The following ARHGEF26 variants were observed in gnomAD, a reference collection of about 807,000 sequenced individuals.
The protein encoded by ARHGEF26 is Rho guanine nucleotide exchange factor 26, also known as Rho guanine nucleotide exchange factor (GEF) 26.
Under a neutral mutation model 89.4 loss-of-function variants are expected in ARHGEF26, and 59 were observed. The observed-to-expected ratio is 0.66, with a 90% CI of 0.54 to 0.82. The LOEUF is 0.82. ARHGEF26 is among the 40% of genes least tolerant of loss of function. The pLI, the probability that ARHGEF26 is intolerant of heterozygous loss-of-function variation, is 0.00. For synonymous variants in ARHGEF26, 500 were observed against 428.4 expected (o/e 1.17, Z -2.06); for missense variants, 1,234 against 1,085.6 (o/e 1.14, Z -1.92).
chr3:154,158,287 A>T (rs183136085), intron 6 of ARHGEF26, among the ~76,000 whole-genome samples: 30 of 152,338 alleles, frequency 2.0e-4, no homozygotes, highest in Non-Finnish European at 4.1e-4. Flanking sequence ...GTGTGCATGG[A>T]TCTTAAGTCC....
intron 11 of ARHGEF26, among the ~76,000 whole-genome samples, chr3:154,234,917 C>T (rs967777111): frequency 2.0e-5 from 3 of 152,128 alleles, no homozygotes; most frequent in Non-Finnish European, 2.9e-5. Flanking sequence ...AGGCGCTCAC[C>T]ACCGCGCCCG....
chr3:154,211,129 CCAG>C (rs776959302), intron 9 of ARHGEF26, among the ~76,000 whole-genome samples: 30 of 152,036 alleles, frequency 2.0e-4, no homozygotes, highest in Middle Eastern at 3.4e-3. Context: ...GCTGTGCTTG[CCAG>C]CACTCACTTG....
intron 4 of ARHGEF26, among the ~76,000 whole-genome samples, chr3:154,141,402 TG>T (rs1287935820): frequency 5.9e-5 from 9 of 152,326 alleles, no homozygotes; most frequent in African/African-American, 1.7e-4. Flanking sequence ...CACTAGAACA[TG>T]TATTGTCATT....
chr3:154,168,564 C>G (rs1209716784), intron 6 of ARHGEF26, among the ~76,000 whole-genome samples: 2 of 152,082 alleles, frequency 1.3e-5, no homozygotes, highest in African/African-American at 2.4e-5. Flanking sequence ...GTGACAGAGA[C>G]TCTCTGTGTC....
intron 6 of ARHGEF26, among the ~76,000 whole-genome samples, chr3:154,177,061 A>T (rs1476497480): frequency 6.6e-6 from 1 of 152,244 alleles, no homozygotes; most frequent in Non-Finnish European, 1.5e-5. Context: ...TAAGTAAGGG[A>T]TGCATGTATA....
intron 6 of ARHGEF26, among the ~76,000 whole-genome samples, chr3:154,158,293 A>C (rs1711502359): frequency 6.6e-6 from 1 of 152,262 alleles, no homozygotes; most frequent in South Asian, 2.1e-4. Flanking sequence ...ATGGATCTTA[A>C]GTCCTTTGGC....
At position 154,130,248 on chromosome 3, in the gene ARHGEF26, C is replaced by A. The variant is rs564019510; in HGVS notation, c.1269+529C>A. Among the ~76,000 whole-genome samples, 6 of 148,504 alleles carry A rather than the reference C, an allele frequency of 4.0e-5. 1 individual carries two copies. The highest frequency in any genetic ancestry group is 1.2e-4 in the African/African-American group (5 of 40,020). ...TGCAGTCTCCCAGGTTCATGTGATT[C>A]TCCTGCCTCAGCCTCCTGAGTAGCT... On this transcript the variant is annotated intron_variant, in intron 4 of 14. Coordinates refer to ENST00000465093, the MANE Select transcript of ARHGEF26 (RefSeq NM_015595.4).
At chr3:154,152,570 A>G (rs1327954762) in intron 5 of ARHGEF26, among the ~76,000 whole-genome samples, 2 of 152,098 alleles carry the variant, frequency 1.3e-5, no homozygotes, top group Non-Finnish European at 2.9e-5. Flanking sequence ...GATAGTGATT[A>G]TTTTTTAAGA....
chr3:154,171,828 A>G (rs1712459780), intron 6 of ARHGEF26, among the ~76,000 whole-genome samples: 1 of 152,132 alleles, frequency 6.6e-6, no homozygotes, highest in Non-Finnish European at 1.5e-5. Context: ...CTGAGCACCA[A>G]GCCCTGAGAC....
intron 6 of ARHGEF26, 78 bp from the exon 7 acceptor site, chr3:154,187,607 A>G: frequency 8.0e-7 from 1 of 1,256,018 alleles, no homozygotes; most frequent in Non-Finnish European, 1.1e-6. Context: ...CCGTGTAATA[A>G]CATTACATGA....
At chr3:154,218,728 A>G (rs1715934259) in intron 10 of ARHGEF26, among the ~76,000 whole-genome samples, 2 of 152,262 alleles carry the variant, frequency 1.3e-5, no homozygotes, top group Admixed American at 1.3e-4. Context: ...TGTAAAGAGC[A>G]GATTCTCTGC....
intron 6 of ARHGEF26, among the ~76,000 whole-genome samples, chr3:154,162,593 C>T (rs532056773): frequency 3.3e-5 from 5 of 152,056 alleles, no homozygotes; most frequent in African/African-American, 4.8e-5. Context: ...CATGTTCTCC[C>T]GGTGTCTGCG....
At chr3:154,145,995 G>T (rs12492558) in intron 4 of ARHGEF26, among the ~76,000 whole-genome samples, 22,104 of 151,998 alleles carry the variant, frequency 0.15, 1,902 homozygotes, top group East Asian at 0.36. Context: ...TCTAAAGCTT[G>T]TCTGTTCCTT....
In ARHGEF26 at chr3:154,239,291, AGAGAGAGAGTGTGTGT is replaced by A. The variant is rs1415690480; in HGVS notation, c.2091-1077_2091-1062del. ...GAGAGAGAGAGAGAGAGAGAGAGAG[AGAGAGAGAGTGTGTGT>A]GTGTGTGTGTGTGTGTGTGTGTGTG... On this transcript the variant is annotated intron_variant, in intron 11 of 14. Coordinates refer to ENST00000465093, the MANE Select transcript of ARHGEF26 (RefSeq NM_015595.4). Among the ~76,000 whole-genome samples, 453 of 61,754 alleles carry A rather than the reference AGAGAGAGAGTGTGTGT, an allele frequency of 7.3e-3. 1 individual carries two copies. Among genetic ancestry groups the A allele is most frequent in the African/African-American group, 0.022 (408 of 18,384 alleles). 40.5% of individuals were successfully genotyped at this position (61,754 alleles called of 152,430 possible).
chr3:154,223,697 T>C (rs527439704), intron 10 of ARHGEF26, among the ~76,000 whole-genome samples: 220 of 152,016 alleles, frequency 1.4e-3, no homozygotes, highest in Middle Eastern at 3.4e-3. Context: ...GGAGGAAGAG[T>C]GGCAGATGAC....
At chr3:154,136,572 A>G (rs1719021670) in intron 4 of ARHGEF26, among the ~76,000 whole-genome samples, 1 of 152,182 alleles carries the variant, frequency 6.6e-6, no homozygotes, top group Non-Finnish European at 1.5e-5. Context: ...AGGTGATGGG[A>G]CTTATTATTT....
chr3:154,166,217 AT>A (rs1199086866), intron 6 of ARHGEF26, among the ~76,000 whole-genome samples: 1 of 151,794 alleles, frequency 6.6e-6, no homozygotes, highest in East Asian at 1.9e-4. Context: ...TGCCTGGCTA[AT>A]TTTTTGTATT....
chr3:154,215,019 C>T (rs1019988514), intron 9 of ARHGEF26, among the ~76,000 whole-genome samples: 5 of 152,144 alleles, frequency 3.3e-5, no homozygotes, highest in African/African-American at 1.2e-4. Context: ...GGGGAAAGTC[C>T]ATATAATTAT....
At chr3:154,195,836 C>T (rs1231343513) in intron 9 of ARHGEF26, among the ~76,000 whole-genome samples, 1 of 151,886 alleles carries the variant, frequency 6.6e-6, no homozygotes, top group African/African-American at 2.4e-5. Context: ...CTTAGGGAGA[C>T]TGGAATGAGA....
Sources: gnomAD v4.1 joint callset for allele counts (sites outside exome capture counted in the v4.1 genomes callset) on GRCh38, gnomAD v4.1.1 for gene constraint, MANE v1.5 for transcripts, NCBI Gene and HGNC (gene_info 2026-07-23, HGNC 2026-07-21) for gene names.